The following RBM25 variants were observed in gnomAD, a reference collection of about 807,000 sequenced individuals.
The protein encoded by RBM25 is RNA-binding protein 25.
In RBM25, 19 loss-of-function variants were observed where a neutral mutation model predicts 120.7. That is an observed-to-expected ratio of 0.16 (90% CI 0.11 to 0.23). The LOEUF (loss-of-function observed/expected upper bound fraction) is 0.23. Among genes scored for constraint, RBM25 ranks in the 10% least tolerant of loss-of-function variants. RBM25 has a pLI of 1.00. For missense variants in RBM25, 605 were observed against 1,041.5 expected, an observed-to-expected ratio of 0.58 and a Z score of 5.77; for synonymous variants, 390 against 326.7, an observed-to-expected ratio of 1.19 and a Z score of -2.09.
chr14:73,068,684 A>G, intron 1 of RBM25: 1 of 330,132 alleles, frequency 3.0e-6, no homozygotes, highest in Non-Finnish European at 5.9e-6. Flanking sequence ...CCTTGGCTGG[A>G]CTGCAGGAAA....
At chr14:73,068,372 CAA>C (rs1007387860) in intron 1 of RBM25, 1 of 618,626 alleles carries the variant, frequency 1.6e-6, no homozygotes, top group African/African-American at 1.9e-5. Context: ...AATGGAGAGA[CAA>C]TGCTTGTATT....
At chr14:73,060,830 A>G (rs139932827) in intron 1 of RBM25, among the ~76,000 whole-genome samples, 3 of 151,454 alleles carry the variant, frequency 2.0e-5, no homozygotes, top group Non-Finnish European at 4.4e-5. Context: ...ACATTTTGCC[A>G]ATTTGCTTTA....
intron 6 of RBM25, among the ~76,000 whole-genome samples, chr14:73,088,761 AATAG>A (rs1430568691): frequency 6.6e-6 from 1 of 152,190 alleles, no homozygotes; most frequent in Non-Finnish European, 1.5e-5. Context: ...ACAAATCCAA[AATAG>A]ATTTATTAAT....
chr14:73,115,482 A>G (rs890724241), intron 18 of RBM25, among the ~76,000 whole-genome samples: 5 of 152,176 alleles, frequency 3.3e-5, no homozygotes, highest in African/African-American at 1.2e-4. Context: ...AGCTCCATCC[A>G]TGTCCCTGTA....
intron 6 of RBM25, among the ~76,000 whole-genome samples, chr14:73,096,653 G>A (rs553031466): frequency 7.9e-5 from 12 of 152,248 alleles, no homozygotes; most frequent in East Asian, 1.9e-4. Context: ...CAGATGTGTC[G>A]TATAGTGTGC....
chr14:73,094,681 G>A (rs1277574819), intron 6 of RBM25, among the ~76,000 whole-genome samples: 1 of 152,014 alleles, frequency 6.6e-6, no homozygotes, highest in Non-Finnish European at 1.5e-5. Context: ...GCCGCTGCAC[G>A]CGGCTGGGGA....
chr14:73,117,205 CTTTTCTTTTTTTTT>C lies in RBM25; in HGVS notation c.2440-2503_2440-2490del, dbSNP rs1896450006. Among the ~76,000 whole-genome samples the C allele has an allele frequency of 1.9e-4, 7 of 36,560 alleles. No individual in the cohort carries two copies. In the South Asian group the frequency reaches 3.5e-3, roughly 18 times the overall value. 24.0% of individuals were successfully genotyped at this position (36,560 alleles called of 152,430 possible). A position where few individuals can be genotyped will look rare whatever the true frequency, so the allele number is the denominator to read the frequency against. ...ATTTCTTTCTTTTAATTTCTTTCTTCTTTTCTTTTTTTTTTTTTTTTTTTTTTTTTTTTTTTTTT... is the reference window on the plus strand; with the variant it reads ...ATTTCTTTCTTTTAATTTCTTTCTTCTTTTTTTTTTTTTTTTTTTTTTTTT... On this transcript the variant is annotated intron_variant, in intron 18 of 18. Coordinates refer to ENST00000261973, the MANE Select transcript of RBM25 (RefSeq NM_021239.3).
At chr14:73,091,889 G>C (rs911477411) in intron 6 of RBM25, among the ~76,000 whole-genome samples, 3 of 151,754 alleles carry the variant, frequency 2.0e-5, no homozygotes, top group African/African-American at 7.3e-5. Flanking sequence ...AAAAAAAAGC[G>C]AAGTTACATG....
At chr14:73,100,969 AC>A (rs972034919) in intron 9 of RBM25, 1 of 151,890 alleles carries the variant, frequency 6.6e-6, no homozygotes, top group Non-Finnish European at 1.5e-5. Flanking sequence ...TGTGTGGTTT[AC>A]CCCCTTTTTG....
In RBM25 at chr14:73,062,903, C is replaced by G. The variant is rs1223418652; in HGVS notation, c.-16+4198C>G. ...TGGTGTGAGCTCGGCTCATTGCAAC[C>G]TCCACCTCCCGGGCTCAAGCGATTC... On this transcript the variant is annotated intron_variant, in intron 1 of 18. Coordinates refer to ENST00000261973, the MANE Select transcript of RBM25 (RefSeq NM_021239.3). Among the ~76,000 whole-genome samples the G allele has an allele frequency of 6.0e-5, 9 of 151,020 alleles. 1 individual carries two copies. The East Asian group carries it at 1.4e-3, about 23-fold the overall frequency.
intron 16 of RBM25, 144 bp downstream of exon 16, chr14:73,111,946 TG>T: frequency 8.3e-7 from 1 of 1,197,900 alleles, no homozygotes; most frequent in Non-Finnish European, 1.2e-6. Flanking sequence ...CTCAATGCCA[TG>T]GTCAAGAAAT....
chr14:73,091,372 A>G (rs558225379), intron 6 of RBM25, among the ~76,000 whole-genome samples: 15 of 152,082 alleles, frequency 9.9e-5, no homozygotes, highest in African/African-American at 2.7e-4. Context: ...GCACCACCAT[A>G]CTGGCTAAGT....
chr14:73,102,080 A>T (rs1197724279), intron 9 of RBM25: 1 of 152,236 alleles, frequency 6.6e-6, no homozygotes. Flanking sequence ...AGTATCTGAC[A>T]GGTAAGATTG....
intron 12 of RBM25, 115 bp downstream of exon 12, chr14:73,106,400 A>G: frequency 1.2e-6 from 1 of 837,546 alleles, no homozygotes; most frequent in East Asian, 3.1e-5. Flanking sequence ...ATTCATGTAT[A>G]ATTTAATTTT....
intron 9 of RBM25, chr14:73,100,278 A>G (rs1896032355): frequency 2.9e-6 from 2 of 680,628 alleles, no homozygotes; most frequent in Non-Finnish European, 2.7e-6. Context: ...TAATCTATTC[A>G]TTGACCCCCA....
intron 6 of RBM25, among the ~76,000 whole-genome samples, chr14:73,090,108 TG>T (rs1895777502): frequency 6.6e-6 from 1 of 151,962 alleles, no homozygotes; most frequent in Non-Finnish European, 1.5e-5. Context: ...TGGAGTGCAG[TG>T]GCGAAATCTT....
intron 12 of RBM25, 68 bp downstream of exon 12, chr14:73,106,353 A>G: frequency 3.3e-6 from 4 of 1,194,370 alleles, no homozygotes; most frequent in African/African-American, 1.5e-5. Context: ...ACTGCTAACT[A>G]CAAGTAACTT....
intron 1 of RBM25, 77 bp from the exon 2 acceptor site, chr14:73,071,544 CTAAAAA>C: frequency 1.0e-6 from 1 of 995,858 alleles, no homozygotes; most frequent in Non-Finnish European, 1.5e-6. Flanking sequence ...TGCAGATACT[CTAAAAA>C]TGAAAGTCAA....
intron 6 of RBM25, among the ~76,000 whole-genome samples, chr14:73,091,162 C>T (rs1274059808): frequency 6.6e-6 from 1 of 152,184 alleles, no homozygotes; most frequent in Non-Finnish European, 1.5e-5. Flanking sequence ...AAATAAGTCA[C>T]TATACTACGT....
Sources: allele counts gnomAD v4.1 joint callset (sites outside exome capture counted in the v4.1 genomes callset), GRCh38; gene constraint gnomAD v4.1.1; transcripts MANE v1.5; gene names NCBI Gene and HGNC (gene_info 2026-07-23, HGNC 2026-07-21).